LMTK2: variants seen among roughly 807,000 people sequenced by gnomAD.
The protein encoded by LMTK2 is lemur tail kinase 2.
In LMTK2, 37 loss-of-function variants were observed where a neutral mutation model predicts 127.5. That is an observed-to-expected ratio of 0.29 (90% CI 0.22 to 0.38). The LOEUF (loss-of-function observed/expected upper bound fraction) is 0.38. LMTK2 is among the 10% of genes least tolerant of loss of function. The pLI, the probability that LMTK2 is intolerant of heterozygous loss-of-function variation, is 1.00. For missense variants in LMTK2, 1,694 were observed against 1,920.3 expected (o/e 0.88, Z 2.20); for synonymous variants, 819 against 810.1 (o/e 1.01, Z -0.19).
chr7:98,163,741 C>G (rs1797048719), intron 6 of LMTK2, among the ~76,000 whole-genome samples: 1 of 152,212 alleles, frequency 6.6e-6, no homozygotes, highest in South Asian at 2.1e-4. Flanking sequence ...CTGAGCCCAG[C>G]TCCCAGCCTG....
At chr7:98,122,482 G>T (rs529268839) in intron 1 of LMTK2, among the ~76,000 whole-genome samples, 1 of 152,176 alleles carries the variant, frequency 6.6e-6, no homozygotes, top group South Asian at 2.1e-4. Context: ...AAAGCGTGTG[G>T]AACAGTCAAC....
At chr7:98,123,613 G>T (rs1484143005) in intron 1 of LMTK2, among the ~76,000 whole-genome samples, 2 of 151,696 alleles carry the variant, frequency 1.3e-5, no homozygotes, top group East Asian at 3.9e-4. Flanking sequence ...TATGAGTCTC[G>T]TTTCATCCAT....
chr7:98,112,020 T>A (rs1796207760), intron 1 of LMTK2, among the ~76,000 whole-genome samples: 1 of 152,212 alleles, frequency 6.6e-6, no homozygotes, highest in Admixed American at 6.5e-5. Context: ...AGATGCTGAT[T>A]TTAATTTATT....
chr7:98,160,424 A>ATT (rs1797000634), intron 6 of LMTK2, among the ~76,000 whole-genome samples: 1 of 152,192 alleles, frequency 6.6e-6, no homozygotes, highest in African/African-American at 2.4e-5. Flanking sequence ...TTACCCTCAA[A>ATT]TATCTGTGGC....
At chr7:98,191,151 G>A (rs1208263366) in intron 10 of LMTK2, among the ~76,000 whole-genome samples, 1 of 152,044 alleles carries the variant, frequency 6.6e-6, no homozygotes, top group Non-Finnish European at 1.5e-5. Context: ...GTCTCAGTAT[G>A]TTGCCCAGGC....
At chr7:98,203,895 C>T (rs753035030) in intron 12 of LMTK2, 49 bp from the exon 13 acceptor site, 42 of 1,605,058 alleles carry the variant, frequency 2.6e-5, no homozygotes, top group Non-Finnish European at 9.4e-6. Context: ...TCCCCCTCTC[C>T]CTCATCACGC....
chr7:98,115,382 C>T (rs1192295531), intron 1 of LMTK2, among the ~76,000 whole-genome samples: 1 of 151,330 alleles, frequency 6.6e-6, no homozygotes, highest in Non-Finnish European at 1.5e-5. Context: ...TGCCATTGCA[C>T]ACCAGCCTGG....
At chr7:98,108,832 T>C (rs1796155595) in intron 1 of LMTK2, among the ~76,000 whole-genome samples, 1 of 151,094 alleles carries the variant, frequency 6.6e-6, no homozygotes, top group Non-Finnish European at 1.5e-5. Flanking sequence ...CGATTCTTTA[T>C]AGGAACCTAT....
rs767878601 is a variant in LMTK2, at chr7:98,191,662, G to A, written c.1197G>A (p.Ala399=). ...FCWLSPEKRP[A]AEDVHRLLTY... The stretch of plus-strand genomic sequence containing the variant: ...GGCTGTCACCAGAAAAGAGACCCGC[G>A]GCTGAAGATGTGCACAGGCTGCTGA... The change falls in exon 11 of 14, where the codon GCG becomes GCA. Residue 399 remains alanine, a synonymous_variant. Coordinates refer to ENST00000297293, the MANE Select transcript of LMTK2 (RefSeq NM_014916.4). The A allele has an allele frequency of 4.1e-5, 66 of 1,613,498 alleles. No individual in the cohort carries two copies. In the East Asian group the frequency reaches 1.0e-3, roughly 26 times the overall value.
At chr7:98,125,717 T>C (rs569803773) in intron 1 of LMTK2, among the ~76,000 whole-genome samples, 2 of 152,348 alleles carry the variant, frequency 1.3e-5, no homozygotes, top group African/African-American at 4.8e-5. Context: ...TGAAGCATTA[T>C]CAAATAGGAA....
At chr7:98,156,513 G>A (rs1405284527) in intron 5 of LMTK2, among the ~76,000 whole-genome samples, 3 of 151,924 alleles carry the variant, frequency 2.0e-5, no homozygotes, top group South Asian at 2.1e-4. Flanking sequence ...ACCAAATGCT[G>A]GCAAGGATGT....
At position 98,206,651 on chromosome 7, in the gene LMTK2, C is replaced by T. The variant is rs575226038; in HGVS notation, c.*1159C>T. The T allele has an allele frequency of 5.3e-5, 8 of 152,312 alleles. No individual in the cohort carries two copies. In the East Asian group the frequency reaches 1.5e-3, roughly 29 times the overall value. 9.4% of individuals were successfully genotyped at this position (152,312 alleles called of 1,614,324 possible). A position where few individuals can be genotyped will look rare whatever the true frequency, so the allele number is the denominator to read the frequency against. On this transcript the variant is annotated 3_prime_UTR_variant, in exon 14 of 14. Transcript: ENST00000297293. ...ACTCATCTCCGCAGAGCATACCAGC[C>T]GTGGGGGACCGTTCGACTTGATGAT...
chr7:98,113,072 G>A (rs1465543675), intron 1 of LMTK2, among the ~76,000 whole-genome samples: 1 of 152,040 alleles, frequency 6.6e-6, no homozygotes, highest in African/African-American at 2.4e-5. Flanking sequence ...TTGTAGAGAT[G>A]GTGATATGGT....
At chr7:98,172,373 C>T (rs1029927756) in intron 7 of LMTK2, among the ~76,000 whole-genome samples, 3 of 147,512 alleles carry the variant, frequency 2.0e-5, no homozygotes, top group African/African-American at 2.5e-5. Flanking sequence ...GGCACGTTCT[C>T]GGCTCACTGC....
chr7:98,144,357 C>A (rs185748332), intron 3 of LMTK2, among the ~76,000 whole-genome samples: 1 of 151,138 alleles, frequency 6.6e-6, no homozygotes. Context: ...GGCATGAACC[C>A]GGGAGGCGGA....
rs1797568490 is a variant in LMTK2 at position 98,193,450 on chromosome 7, A to C, written c.2985A>C (p.Glu995Asp). ...APFPASEPSL[E>D]TPDSLESVDV... ...TCCCAGCCTCTGAGCCGTCCCTGGA[A>C]ACCCCGGACTCTCTGGAGTCAGTGG... Residue 995 changes from glutamate (E) to aspartate (D), a missense_variant, in exon 11 of 14, where the codon GAA becomes GAC. By Grantham distance (45) the Glu-to-Asp change is conservative. Transcript: ENST00000297293. This position sits in a 1 kb window ranked among gnomAD's most constrained non-coding sequence, Gnocchi z 4.1. The C allele has an allele frequency of 6.2e-7, 1 of 1,614,112 alleles. No homozygotes were observed. The highest frequency in any genetic ancestry group is 8.5e-7 in the Non-Finnish European group (1 of 1,179,998).
rs1417472684 is a variant in LMTK2 at position 98,126,185 on chromosome 7, C to G, written c.104-11130C>G. On this transcript the variant is annotated intron_variant, in intron 1 of 13. Transcript: ENST00000297293. The stretch of plus-strand genomic sequence containing the variant: ...AGGAGCAGACATTTAGGCCACTTCT[C>G]CCATCTTTCAGCTGTATTGTGCAGA... Among the ~76,000 whole-genome samples the G allele has an allele frequency of 8.5e-5, 13 of 152,224 alleles. No individual in the cohort carries two copies. The South Asian group carries it at 2.5e-3, about 29-fold the overall frequency.
intron 9 of LMTK2, among the ~76,000 whole-genome samples, 200 bp from the exon 10 acceptor site, chr7:98,190,528 G>T (rs555482758): frequency 6.6e-6 from 1 of 152,324 alleles, no homozygotes; most frequent in Admixed American, 6.5e-5. Flanking sequence ...GTTGCAGTGA[G>T]TGGAGATCAC....
intron 1 of LMTK2, among the ~76,000 whole-genome samples, chr7:98,115,754 G>T (rs1796272482): frequency 6.6e-6 from 1 of 152,078 alleles, no homozygotes; most frequent in Non-Finnish European, 1.5e-5. Context: ...GCACCACTGT[G>T]CCCAGGCCTA....
Sources: gnomAD v4.1 joint callset for allele counts (sites outside exome capture counted in the v4.1 genomes callset) on GRCh38, gnomAD v4.1.1 for gene constraint, Gnocchi (gnomAD v3.1) non-coding constraint, MANE v1.5 for transcripts, NCBI Gene and HGNC (gene_info 2026-07-23, HGNC 2026-07-21) for gene names.